The following COL4A6 variants were observed in gnomAD, a reference collection of about 807,000 sequenced individuals.
COL4A6 encodes collagen type IV alpha 6 chain, also known as collagen alpha-6(IV) chain.
In COL4A6, 59 loss-of-function variants were observed where a neutral mutation model predicts 126.7. The ratio of observed to expected loss-of-function variants is 0.47; its 90% confidence interval spans 0.38 to 0.58. COL4A6 has a LOEUF of 0.58. Ranked by LOEUF, COL4A6 falls within the 20% of genes least tolerant of loss-of-function variation. The probability of loss-of-function intolerance (pLI) is 0.00; values close to 1 mark genes in which losing one functional copy is unlikely to be tolerated. For missense variants in COL4A6, 1,285 were observed against 1,337.3 expected, an observed-to-expected ratio of 0.96 and a Z score of 0.61; for synonymous variants, 547 against 496.6, an observed-to-expected ratio of 1.10 and a Z score of -1.35.
intron 3 of COL4A6, among the ~76,000 whole-genome samples, chrX:108,299,653 C>A (rs181726990): frequency 8.9e-6 from 1 of 112,348 alleles, no homozygotes; most frequent in Admixed American, 9.4e-5. Flanking sequence ...AGGACAGAGA[C>A]CACAATTTCT....
At chrX:108,403,054 T>G (rs966309960) in intron 2 of COL4A6, among the ~76,000 whole-genome samples, 2 of 111,666 alleles carry the variant, frequency 1.8e-5, no homozygotes, top group African/African-American at 3.2e-5. Flanking sequence ...TCCTCTAAGA[T>G]AGCAGATTTG....
chrX:108,216,716 G>A (rs757516647), intron 5 of COL4A6, among the ~76,000 whole-genome samples: 8 of 112,820 alleles, frequency 7.1e-5, no homozygotes, highest in Non-Finnish European at 1.5e-4. Flanking sequence ...AAGGGACTGA[G>A]CACATGGAAT....
intron 6 of COL4A6, 188 bp downstream of exon 6, chrX:108,213,924 C>T: frequency 2.3e-6 from 1 of 428,888 alleles, no homozygotes; most frequent in Non-Finnish European, 4.0e-6. Flanking sequence ...ATGTGCACAC[C>T]CCACTGCAAC....
At chrX:108,257,728 C>T (rs1042564823) in intron 3 of COL4A6, among the ~76,000 whole-genome samples, 1 of 111,064 alleles carries the variant, frequency 9.0e-6, no homozygotes, top group African/African-American at 3.3e-5. Flanking sequence ...AGATCTCTTG[C>T]ATATTTAATA....
At chrX:108,324,926 A>G (rs1482345237) in intron 2 of COL4A6, among the ~76,000 whole-genome samples, 2 of 112,387 alleles carry the variant, frequency 1.8e-5, no homozygotes, top group African/African-American at 6.5e-5. Context: ...AAAGAACAAC[A>G]TATTACTTTT....
intron 2 of COL4A6, among the ~76,000 whole-genome samples, chrX:108,332,970 A>T (rs751109844): frequency 5.4e-5 from 6 of 110,269 alleles, no homozygotes; most frequent in Non-Finnish European, 9.5e-5. Flanking sequence ...ATAGTTTGAG[A>T]TCTTGCATTT....
chrX:108,346,919 C>T (rs981334595), intron 2 of COL4A6, among the ~76,000 whole-genome samples: 1 of 112,217 alleles, frequency 8.9e-6, no homozygotes, highest in Non-Finnish European at 1.9e-5. Context: ...ATAAGGAGCA[C>T]CTCCTGCCAC....
At chrX:108,389,674 C>T (rs1023352397) in intron 2 of COL4A6, among the ~76,000 whole-genome samples, 4 of 111,180 alleles carry the variant, frequency 3.6e-5, no homozygotes. Flanking sequence ...GGTCTTGACT[C>T]TTTATCCAAT....
In COL4A6 at chrX:108,383,787, A is replaced by C. The variant is rs1009074090; in HGVS notation, c.63+54155T>G. Reference sequence around the variant, plus strand: ...GGTACATCAGGATTGCTTTGTATGGAAGTAATGGAAACTCAAAACAATATG... The same window carrying C: ...GGTACATCAGGATTGCTTTGTATGGCAGTAATGGAAACTCAAAACAATATG... On this transcript the variant is annotated intron_variant, in intron 2 of 44. Coordinates refer to ENST00000334504, the MANE Select transcript of COL4A6 (RefSeq NM_033641.4). The C allele has an allele frequency of 1.6e-5, 8 of 514,530 alleles. No individual in the cohort carries two copies. In the Admixed American group the frequency reaches 2.1e-4, roughly 14 times the overall value. The allele number at this position is 514,530 out of a possible 1,213,427, so 42.4% of individuals were successfully genotyped here.
At chrX:108,419,450 T>C (rs1324051959) in intron 2 of COL4A6, among the ~76,000 whole-genome samples, 1 of 112,037 alleles carries the variant, frequency 8.9e-6, no homozygotes, top group African/African-American at 3.2e-5. Context: ...TACATGGAAT[T>C]CATCAAAATA....
At chrX:108,418,326 G>T (rs1400142002) in intron 2 of COL4A6, among the ~76,000 whole-genome samples, 1 of 111,834 alleles carries the variant, frequency 8.9e-6, no homozygotes, top group Non-Finnish European at 1.9e-5. Flanking sequence ...ACCTGTGGTT[G>T]CCCTGGAAAG....
At chrX:108,258,271 A>C (rs2037059756) in intron 3 of COL4A6, among the ~76,000 whole-genome samples, 1 of 112,092 alleles carries the variant, frequency 8.9e-6, no homozygotes, top group African/African-American at 3.2e-5. Flanking sequence ...GCTCTGGTGG[A>C]GAGGACACTC....
At chrX:108,205,759 C>A in intron 9 of COL4A6, 64 bp from the exon 10 acceptor site, 1 of 983,206 alleles carries the variant, frequency 1.0e-6, no homozygotes. Context: ...AAGAACACGG[C>A]ATGTTGAGAG....
chrX:108,236,483 T>C (rs1420333309), intron 3 of COL4A6, among the ~76,000 whole-genome samples: 2 of 111,747 alleles, frequency 1.8e-5, no homozygotes, highest in Admixed American at 1.9e-4. Flanking sequence ...GCCAGGTAGC[T>C]GCTCCAGGGA....
intron 2 of COL4A6, among the ~76,000 whole-genome samples, chrX:108,392,619 G>A (rs374300062): frequency 1.8e-5 from 2 of 111,654 alleles, no homozygotes; most frequent in Non-Finnish European, 3.8e-5. Context: ...TTGGATCTTT[G>A]AGTCTCCCCA....
chrX:108,272,576 A>T (rs185016328), intron 3 of COL4A6, among the ~76,000 whole-genome samples: 2 of 112,159 alleles, frequency 1.8e-5, no homozygotes, highest in African/African-American at 6.5e-5. Flanking sequence ...TGGAAATTTA[A>T]TTAAAACCAA....
intron 2 of COL4A6, among the ~76,000 whole-genome samples, chrX:108,397,654 A>C (rs1025054505): frequency 9.1e-6 from 1 of 110,344 alleles, no homozygotes; most frequent in East Asian, 2.8e-4. Context: ...AAAAAAAAAA[A>C]AACACATATG....
At chrX:108,383,001 T>TAAAAATAATAAA (rs1230276559) in intron 2 of COL4A6, among the ~76,000 whole-genome samples, 25 of 103,950 alleles carry the variant, frequency 2.4e-4, no homozygotes, top group African/African-American at 8.7e-4. Context: ...ATAATAATAA[T>TAAAAATAATAAA]AAACCCTTTT....
chrX:108,431,742 A>G (rs1336573556), intron 2 of COL4A6, among the ~76,000 whole-genome samples: 2 of 111,449 alleles, frequency 1.8e-5, no homozygotes, highest in Non-Finnish European at 3.8e-5. Context: ...GTCCCAGTGG[A>G]TAAGCTAGGG....
Sources: allele counts gnomAD v4.1 joint callset (sites outside exome capture counted in the v4.1 genomes callset), GRCh38; gene constraint gnomAD v4.1.1; transcripts MANE v1.5; gene names NCBI Gene and HGNC (gene_info 2026-07-23, HGNC 2026-07-21).